PRKCA: variants seen among roughly 807,000 people sequenced by gnomAD.
PRKCA encodes the protein protein kinase C alpha type.
Under a neutral mutation model 87.0 loss-of-function variants are expected in PRKCA, and 27 were observed. That is an observed-to-expected ratio of 0.31 (90% confidence interval 0.23 to 0.43). The LOEUF is 0.43. Ranked by LOEUF, PRKCA falls within the 20% of genes least tolerant of loss-of-function variation. The probability of loss-of-function intolerance (pLI) is 1.00; values close to 1 mark genes in which losing one functional copy is unlikely to be tolerated. For synonymous variants in PRKCA, 329 were observed against 311.1 expected, an observed-to-expected ratio of 1.06 and a Z score of -0.61; for missense variants, 518 against 852.3, an observed-to-expected ratio of 0.61 and a Z score of 4.88.
intron 3 of PRKCA, among the ~76,000 whole-genome samples, chr17:66,619,584 A>G (rs545579110): frequency 6.6e-6 from 1 of 152,352 alleles, no homozygotes; most frequent in South Asian, 2.1e-4. Context: ...ATGCCCCTCA[A>G]ATGAATATCA....
Position 66,810,573 on chromosome 17 carries a change from A to G in PRKCA, c.*6536A>G, listed in dbSNP as rs549628690. ...ACTGACAAAATGTAGAGGCCATTCA[A>G]CCGTCAAACACCATTTGGTTATATC... On this transcript the variant is annotated 3_prime_UTR_variant, in exon 17 of 17. Coordinates refer to ENST00000413366, the MANE Select transcript of PRKCA (RefSeq NM_002737.3). 1 of 152,328 alleles carries G rather than the reference A, an allele frequency of 6.6e-6. No homozygotes were observed. The highest frequency in any genetic ancestry group is 1.9e-4 in the East Asian group (1 of 5,182). 9.4% of individuals were successfully genotyped at this position (152,328 alleles called of 1,614,324 possible). A position where few individuals can be genotyped will look rare whatever the true frequency, so the allele number is the denominator to read the frequency against.
At chr17:66,574,577 A>G (rs1244377983) in intron 3 of PRKCA, among the ~76,000 whole-genome samples, 1 of 152,196 alleles carries the variant, frequency 6.6e-6, no homozygotes, top group Non-Finnish European at 1.5e-5. Flanking sequence ...TCAACTCTGT[A>G]TAAGCAGGTT....
intron 13 of PRKCA, 73 bp from the exon 14 acceptor site, chr17:66,773,914 G>C: frequency 2.5e-6 from 4 of 1,601,252 alleles, no homozygotes; most frequent in Middle Eastern, 1.7e-4. Flanking sequence ...ATGCCTACCT[G>C]CTTGACTTAC....
chr17:66,735,344 T>C, intron 9 of PRKCA, 145 bp from the exon 10 acceptor site: 3 of 830,428 alleles, frequency 3.6e-6, no homozygotes, highest in East Asian at 2.6e-5. Context: ...ATTTACAAAT[T>C]TGCACATAAA....
chr17:66,692,507 T>A (rs1046673414), intron 8 of PRKCA, among the ~76,000 whole-genome samples: 1 of 152,184 alleles, frequency 6.6e-6, no homozygotes, highest in Admixed American at 6.5e-5. Context: ...GCCAAGTTAC[T>A]GGGAAGGGAT....
chr17:66,623,706 G>T (rs1415899021), intron 3 of PRKCA, among the ~76,000 whole-genome samples: 1 of 152,156 alleles, frequency 6.6e-6, no homozygotes, highest in Non-Finnish European at 1.5e-5. Context: ...GAATAAGAAA[G>T]ATAAAGCTAA....
chr17:66,395,019 A>G (rs1374210161), intron 2 of PRKCA, among the ~76,000 whole-genome samples: 1 of 152,234 alleles, frequency 6.6e-6, no homozygotes, highest in African/African-American at 2.4e-5. Context: ...CATTATTTCA[A>G]TATGGGTTTA....
At chr17:66,780,715 A>G (rs1351672338) in intron 14 of PRKCA, among the ~76,000 whole-genome samples, 2 of 151,986 alleles carry the variant, frequency 1.3e-5, no homozygotes, top group Non-Finnish European at 2.9e-5. Context: ...ATAAGAACCC[A>G]CATAAAAATA....
rs757587256 is a variant in PRKCA at position 66,786,893 on chromosome 17, C to T, written c.1632C>T (p.Asp544=). ...GQPPFDGEDE[D]ELFQSIMEHN... is the part of the protein sequence containing the mutation. Reference sequence around the variant, plus strand: ...CTCCATTTGATGGTGAAGATGAAGACGAGCTATTTCAGTCTATCATGGAGC... The same window carrying T: ...CTCCATTTGATGGTGAAGATGAAGATGAGCTATTTCAGTCTATCATGGAGC... Residue 544 remains aspartate, a synonymous_variant, in exon 15 of 17, where the codon GAC becomes GAT. Transcript: ENST00000413366. 15 of 1,614,046 alleles carry T rather than the reference C, an allele frequency of 9.3e-6. No individual in the cohort carries two copies. The highest frequency in any genetic ancestry group is 3.3e-5 in the South Asian group (3 of 91,074).
intron 2 of PRKCA, among the ~76,000 whole-genome samples, chr17:66,451,806 G>A (rs970087553): frequency 2.6e-5 from 4 of 152,186 alleles, no homozygotes; most frequent in Non-Finnish European, 2.9e-5. Flanking sequence ...AGGCTCTGAA[G>A]CAAAGTTGTA....
chr17:66,768,201 C>T lies in PRKCA; in HGVS notation c.1525-5786C>T, dbSNP rs564574362. ...TCAAGTGATCCGCCCGCCTGGGCCG[C>T]CCAAAGTGCTGGGATTACAAGCGTG... On this transcript the variant is annotated intron_variant, in intron 13 of 16. Coordinates refer to ENST00000413366, the MANE Select transcript of PRKCA (RefSeq NM_002737.3). Among the ~76,000 whole-genome samples the T allele has an allele frequency of 2.1e-4, 32 of 151,974 alleles. No individual in the cohort carries two copies. The East Asian group carries it at 6.2e-3, about 29-fold the overall frequency.
chr17:66,427,751 TGTG>T (rs1389938500), intron 2 of PRKCA, among the ~76,000 whole-genome samples: 3 of 152,194 alleles, frequency 2.0e-5, no homozygotes, highest in Admixed American at 6.5e-5. Context: ...GCAATTTCAA[TGTG>T]GTGGTGAAAA....
chr17:66,784,968 G>T (rs1975342623), intron 14 of PRKCA, among the ~76,000 whole-genome samples: 1 of 152,218 alleles, frequency 6.6e-6, no homozygotes, highest in African/African-American at 2.4e-5. Flanking sequence ...TCCCTCACAG[G>T]CAGGCTCATT....
intron 3 of PRKCA, among the ~76,000 whole-genome samples, chr17:66,566,480 G>GT (rs56912157): frequency 0.085 from 8,240 of 96,570 alleles, 366 homozygotes; most frequent in Admixed American, 0.12. Context: ...TTGTTTTTTG[G>GT]TTTTTTTTTT....
intron 3 of PRKCA, among the ~76,000 whole-genome samples, chr17:66,505,232 G>A (rs952520740): frequency 6.6e-6 from 1 of 152,108 alleles, no homozygotes; most frequent in African/African-American, 2.4e-5. Flanking sequence ...AATAGCCTCC[G>A]AGACTTCTAT....
intron 2 of PRKCA, among the ~76,000 whole-genome samples, chr17:66,445,412 A>G (rs1424443318): frequency 6.6e-6 from 1 of 152,264 alleles, no homozygotes; most frequent in East Asian, 1.9e-4. Context: ...TGGAGGCCAG[A>G]GGCCATTCAG....
At chr17:66,392,398 C>T (rs1339168938) in intron 2 of PRKCA, among the ~76,000 whole-genome samples, 1 of 152,116 alleles carries the variant, frequency 6.6e-6, no homozygotes, top group Non-Finnish European at 1.5e-5. Flanking sequence ...GTGTTTGGGT[C>T]TAAAACTTTA....
intron 3 of PRKCA, among the ~76,000 whole-genome samples, chr17:66,497,484 A>G (rs994579174): frequency 2.6e-5 from 4 of 151,990 alleles, no homozygotes; most frequent in African/African-American, 9.7e-5. Flanking sequence ...CAACAAGAGC[A>G]AAACTCCGTC....
At chr17:66,516,479 A>C (rs1023468308) in intron 3 of PRKCA, among the ~76,000 whole-genome samples, 1 of 152,076 alleles carries the variant, frequency 6.6e-6, no homozygotes, top group African/African-American at 2.4e-5. Context: ...CTAAAAATAC[A>C]AAAATTAGCC....
Sources: allele counts gnomAD v4.1 joint callset (sites outside exome capture counted in the v4.1 genomes callset), GRCh38; gene constraint gnomAD v4.1.1; transcripts MANE v1.5; gene names NCBI Gene and HGNC (gene_info 2026-07-23, HGNC 2026-07-21).